The following RALYL variants were observed in gnomAD, a reference collection of about 807,000 sequenced individuals.
RALYL encodes RALY RNA binding protein like.
RALYL carries 29 observed loss-of-function variants against 35.1 expected under a neutral mutation model. The observed-to-expected ratio is 0.83, with a 90% CI of 0.61 to 1.13. RALYL has a LOEUF of 1.13. Ranked by LOEUF, RALYL falls within the 50% of genes most tolerant of loss-of-function variation. The pLI, the probability that RALYL is intolerant of heterozygous loss-of-function variation, is 0.00. For synonymous variants in RALYL, 120 were observed against 127.6 expected (o/e 0.94, Z 0.40); for missense variants, 359 against 360.4 (o/e 1.00, Z 0.03).
chr8:84,315,137 CA>C (rs1371261842), intron 1 of RALYL, among the ~76,000 whole-genome samples: 1 of 152,084 alleles, frequency 6.6e-6, no homozygotes, highest in Non-Finnish European at 1.5e-5. Flanking sequence ...GGAAATAAAC[CA>C]AATGTGCTTC....
intron 2 of RALYL, among the ~76,000 whole-genome samples, chr8:84,746,491 A>G (rs72681031): frequency 0.023 from 3,491 of 152,030 alleles, 59 homozygotes; most frequent in Non-Finnish European, 0.037. Context: ...ACCCAAGTAC[A>G]GTATTTGGTA....
At chr8:84,298,377 GGTTCCATTGTCTATTGTGTTTGTATTT>G (rs1361100341) in intron 1 of RALYL, among the ~76,000 whole-genome samples, 2 of 151,670 alleles carry the variant, frequency 1.3e-5, no homozygotes, top group African/African-American at 4.8e-5. Context: ...CTTTCTATTC[GGTTCCATTGTCTATTGTGTTTGTATTT>G]GTGCCATTGT....
intron 8 of RALYL, among the ~76,000 whole-genome samples, chr8:84,899,235 CCA>C (rs1362673880): frequency 6.6e-6 from 1 of 152,132 alleles, no homozygotes; most frequent in Non-Finnish European, 1.5e-5. Context: ...AAGGACACAT[CCA>C]TTTGGATTTG....
At chr8:84,445,498 C>CAG in intron 1 of RALYL, among the ~76,000 whole-genome samples, 1 of 151,934 alleles carries the variant, frequency 6.6e-6, no homozygotes, top group African/African-American at 2.4e-5. Context: ...AGTATTAAAA[C>CAG]TGTAGTACGT....
At chr8:84,366,100 T>A (rs979280813) in intron 1 of RALYL, among the ~76,000 whole-genome samples, 1 of 152,200 alleles carries the variant, frequency 6.6e-6, no homozygotes, top group African/African-American at 2.4e-5. Context: ...CTCTGTTGTC[T>A]GGTGCCAGAG....
chr8:84,702,179 C>G (rs979797334), intron 2 of RALYL, among the ~76,000 whole-genome samples: 23 of 152,092 alleles, frequency 1.5e-4, no homozygotes, highest in African/African-American at 5.3e-4. Flanking sequence ...AATTTTAGCT[C>G]TTTTTAAATC....
chr8:84,365,484 C>T (rs73296882), intron 1 of RALYL, among the ~76,000 whole-genome samples: 7,219 of 152,024 alleles, frequency 0.047, 234 homozygotes, highest in African/African-American at 0.082. Flanking sequence ...AATTGATGTT[C>T]GTAATTATAA....
chr8:84,660,783 A>G (rs1273942621), intron 2 of RALYL, among the ~76,000 whole-genome samples: 2 of 152,124 alleles, frequency 1.3e-5, no homozygotes, highest in East Asian at 1.9e-4. Flanking sequence ...TATTGAGACT[A>G]TTGAGACTTC....
chr8:84,517,235 T>C (rs2058135419), intron 1 of RALYL, among the ~76,000 whole-genome samples: 1 of 152,076 alleles, frequency 6.6e-6, no homozygotes, highest in Non-Finnish European at 1.5e-5. Flanking sequence ...AGAATATGCA[T>C]AAAATATGGA....
intron 2 of RALYL, among the ~76,000 whole-genome samples, chr8:84,752,442 G>A (rs1423781182): frequency 6.6e-6 from 1 of 152,162 alleles, no homozygotes; most frequent in African/African-American, 2.4e-5. Context: ...GAAAAGAAAA[G>A]CCCATTTTCA....
At position 84,657,335 on chromosome 8, in the gene RALYL, GC is replaced by G. The variant is rs112859358; in HGVS notation, c.257-117243del. ...CTTTTACTAAAAAACAAAGGAATGTGCTTTCAAGGTAAAAATTTCCACAACT... is the reference window on the plus strand; with the variant it reads ...CTTTTACTAAAAAACAAAGGAATGTGTTTCAAGGTAAAAATTTCCACAACT... On this transcript the variant is annotated intron_variant, in intron 2 of 8. Transcript: ENST00000521268. 2.5e-3 allele frequency among the ~76,000 whole-genome samples: 386 copies of G among 152,254 alleles called. 1 individual carries two copies. The highest frequency in any genetic ancestry group is 8.6e-3 in the African/African-American group (357 of 41,564).
intron 6 of RALYL, among the ~76,000 whole-genome samples, chr8:84,866,679 T>C (rs1367951296): frequency 6.6e-6 from 1 of 152,122 alleles, no homozygotes; most frequent in East Asian, 1.9e-4. Flanking sequence ...CTTAGAACAG[T>C]GTCGGCTAAT....
intron 2 of RALYL, among the ~76,000 whole-genome samples, chr8:84,648,443 G>C (rs1827959489): frequency 6.6e-6 from 1 of 152,026 alleles, no homozygotes; most frequent in African/African-American, 2.4e-5. Context: ...TCAGTAGATG[G>C]TGCCAGAGGG....
intron 1 of RALYL, among the ~76,000 whole-genome samples, chr8:84,459,263 G>A (rs1363069231): frequency 1.3e-5 from 2 of 151,710 alleles, no homozygotes; most frequent in Non-Finnish European, 2.9e-5. Context: ...AGACTGAGAG[G>A]TCTAGGAAAA....
intron 2 of RALYL, among the ~76,000 whole-genome samples, chr8:84,532,043 C>G (rs1392952305): frequency 6.6e-6 from 1 of 151,934 alleles, no homozygotes; most frequent in African/African-American, 2.4e-5. Flanking sequence ...AGCATATATC[C>G]TAATCATCTA....
chr8:84,562,292 G>A (rs567451090), intron 2 of RALYL, among the ~76,000 whole-genome samples: 5 of 151,828 alleles, frequency 3.3e-5, no homozygotes, highest in Non-Finnish European at 5.9e-5. Flanking sequence ...AACTGTAGCC[G>A]GCCAGCAAGT....
intron 1 of RALYL, among the ~76,000 whole-genome samples, chr8:84,396,373 C>T (rs1286286378): frequency 6.6e-6 from 1 of 152,018 alleles, no homozygotes; most frequent in Admixed American, 6.6e-5. Context: ...CTCAGGTCTG[C>T]ATTTAATATT....
intron 2 of RALYL, among the ~76,000 whole-genome samples, chr8:84,764,718 G>C (rs538668242): frequency 3.9e-5 from 6 of 152,126 alleles, no homozygotes; most frequent in Non-Finnish European, 8.8e-5. Flanking sequence ...TATGAAACTA[G>C]GTCCAAAGGC....
intron 1 of RALYL, among the ~76,000 whole-genome samples, chr8:84,499,563 C>G (rs529590448): frequency 6.6e-6 from 1 of 152,176 alleles, no homozygotes; most frequent in Non-Finnish European, 1.5e-5. Context: ...ATATAATGTA[C>G]TTCTGTAGTG....
Sources: gnomAD v4.1 joint callset for allele counts (sites outside exome capture counted in the v4.1 genomes callset) on GRCh38, gnomAD v4.1.1 for gene constraint, MANE v1.5 for transcripts, NCBI Gene and HGNC (gene_info 2026-07-23, HGNC 2026-07-21) for gene names.